TAFAZZIN: variants seen among roughly 807,000 people sequenced by gnomAD.
The protein encoded by TAFAZZIN is protein G4.5.
Under a neutral mutation model 27.3 loss-of-function variants are expected in TAFAZZIN, and 6 were observed. That is an observed-to-expected ratio of 0.22 (90% CI 0.12 to 0.43). The LOEUF (loss-of-function observed/expected upper bound fraction) is 0.43. TAFAZZIN is among the 20% of genes least tolerant of loss of function. TAFAZZIN has a pLI of 1.00. For synonymous variants in TAFAZZIN, 79 were observed against 96.2 expected (o/e 0.82, Z 1.04); for missense variants, 127 against 244.5 (o/e 0.52, Z 3.21).
intron 4 of TAFAZZIN, 62 bp from the exon 5 acceptor site, chrX:154,414,039 A>G: frequency 2.7e-6 from 2 of 752,876 alleles, no homozygotes; most frequent in Non-Finnish European, 4.1e-6. Flanking sequence ...TGCTGGCCCA[A>G]GGTCATGGGG....
intron 2 of TAFAZZIN, chrX:154,412,917 A>T (rs2068358680): frequency 2.5e-6 from 1 of 400,211 alleles, no homozygotes; most frequent in Admixed American, 4.1e-5. Context: ...ACTAGCCTAG[A>T]CTGGGCTGGT....
In TAFAZZIN at chrX:154,421,362, T is replaced by G; in HGVS notation, c.*358T>G. ...CACCAGAGCTGTGGAGAGGGGACCC[T>G]AAGACTCCTCGGCCTGGCTCCTACC... On this transcript the variant is annotated 3_prime_UTR_variant, in exon 11 of 11. Transcript: ENST00000601016. 1 of 375,002 alleles carries G rather than the reference T, an allele frequency of 2.7e-6. No individual in the cohort carries two copies. 30.9% of individuals were successfully genotyped at this position (375,002 alleles called of 1,213,427 possible). A position where few individuals can be genotyped will look rare whatever the true frequency, so the allele number is the denominator to read the frequency against.
At chrX:154,414,244 G>C (rs1410797293) in intron 5 of TAFAZZIN, 54 bp downstream of exon 5, 2 of 1,042,828 alleles carry the variant, frequency 1.9e-6, no homozygotes, top group Non-Finnish European at 2.7e-6. Flanking sequence ...GTGAGGTCGA[G>C]GTGAGAGGAT....
intron 1 of TAFAZZIN, 62 bp from the exon 2 acceptor site, chrX:154,412,024 G>A (rs782205542): frequency 1.3e-5 from 16 of 1,205,150 alleles, no homozygotes; most frequent in South Asian, 1.8e-5. Context: ...TTAGGGTGGG[G>A]GACGCCGCGG....
At chrX:154,419,929 A>G in intron 7 of TAFAZZIN, 103 bp from the exon 8 acceptor site, 2 of 1,126,849 alleles carry the variant, frequency 1.8e-6, no homozygotes, top group Admixed American at 2.2e-5. Context: ...AAGGGAGCTG[A>G]ATTGAACTGG....
intron 7 of TAFAZZIN, 29 bp downstream of exon 7, chrX:154,419,775 C>T (rs781936411): frequency 1.7e-6 from 2 of 1,211,567 alleles, no homozygotes; most frequent in South Asian, 3.5e-5. Context: ...TGGCCACAGC[C>T]ATCCTCCCGG....
chrX:154,413,735 TG>T (rs1333511139), intron 4 of TAFAZZIN, 168 bp downstream of exon 4: 2 of 490,824 alleles, frequency 4.1e-6, no homozygotes, highest in Non-Finnish European at 6.9e-6. Context: ...GGAGGAGGGA[TG>T]GGTCCTTGGA....
chrX:154,419,949 G>A (rs1557194004), intron 7 of TAFAZZIN, 83 bp from the exon 8 acceptor site: 1 of 1,153,220 alleles, frequency 8.7e-7, no homozygotes, highest in Non-Finnish European at 1.2e-6. Context: ...GAGGATGTCG[G>A]GGGTGGCAGT....
chrX:154,413,399 C>T, intron 3 of TAFAZZIN, 83 bp from the exon 4 acceptor site: 1 of 1,209,127 alleles, frequency 8.3e-7, no homozygotes, highest in Non-Finnish European at 1.1e-6. Context: ...TCCCCTGTGC[C>T]TCCCTTCTGC....
rs1469190727 is a variant in TAFAZZIN at position 154,412,984 on chromosome X, G to A, written c.239-223G>A. On this transcript the variant is annotated intron_variant, in intron 2 of 10. Coordinates refer to ENST00000601016, the MANE Select transcript of TAFAZZIN (RefSeq NM_000116.5). The stretch of plus-strand genomic sequence containing the variant: ...AATGGGCATTGTCCAAGTATGTTGG[G>A]GAGGTAGGCAGTCCAGGTGCAGTGA... 4 of 466,873 alleles carry A rather than the reference G, an allele frequency of 8.6e-6. No homozygotes were observed. In the East Asian group the frequency reaches 1.1e-4, roughly 13 times the overall value. The allele number at this position is 466,873 out of a possible 1,213,427, so 38.5% of individuals were successfully genotyped here.
intron 5 of TAFAZZIN, among the ~76,000 whole-genome samples, chrX:154,417,833 G>C: frequency 8.9e-6 from 1 of 112,200 alleles, no homozygotes; most frequent in Middle Eastern, 4.6e-3. Flanking sequence ...TGCTCTGAGA[G>C]ATGGGGACTC....
At chrX:154,419,498 GCCC>G (rs1214020528) in intron 5 of TAFAZZIN, 42 bp from the exon 6 acceptor site, 2 of 1,181,208 alleles carry the variant, frequency 1.7e-6, no homozygotes, top group Non-Finnish European at 2.3e-6. Flanking sequence ...GTCACCCCAC[GCCC>G]CCGAGAATGG....
rs1557190828 is a variant in TAFAZZIN, at chrX:154,411,875, C to T, written c.32C>T (p.Ala11Val). The stretch of plus-strand genomic sequence containing the variant: ...CTGCACGTGAAGTGGCCGTTCCCCG[C>T]GGTGCCGCCGCTCACCTGGACCCTG... MPLHVKWPFP[A>V]VPPLTWTLAS... The change falls in exon 1 of 11, where the codon GCG becomes GTG. Residue 11 changes from alanine to valine, a missense_variant. Ala to Val is a moderately conservative substitution (Grantham distance 64). Coordinates refer to ENST00000601016, the MANE Select transcript of TAFAZZIN (RefSeq NM_000116.5). The T allele has an allele frequency of 8.3e-7, 1 of 1,204,183 alleles. No individual in the cohort carries two copies. Among genetic ancestry groups the T allele is most frequent in the Admixed American group, 2.2e-5 (1 of 45,756 alleles).
chrX:154,414,691 CAAA>C (rs35339645), intron 5 of TAFAZZIN, among the ~76,000 whole-genome samples: 3 of 54,176 alleles, frequency 5.5e-5, no homozygotes, highest in Admixed American at 2.3e-4. Flanking sequence ...GACTCCGTCT[CAAA>C]AAAAAAAAAA....
intron 2 of TAFAZZIN, 151 bp downstream of exon 2, chrX:154,412,365 T>C: frequency 1.3e-6 from 1 of 781,995 alleles, no homozygotes; most frequent in Non-Finnish European, 1.8e-6. Context: ...AGACTTGGAT[T>C]TGTGGCTCCT....
chrX:154,413,414 T>C (rs2068381778), intron 3 of TAFAZZIN, 68 bp from the exon 4 acceptor site: 1 of 1,208,937 alleles, frequency 8.3e-7, no homozygotes, highest in African/African-American at 1.7e-5. Flanking sequence ...TTCTGCATGC[T>C]GATGCTGGGG....
intron 5 of TAFAZZIN, among the ~76,000 whole-genome samples, chrX:154,417,550 AG>A (rs1318811968): frequency 1.8e-5 from 2 of 112,798 alleles, no homozygotes; most frequent in Admixed American, 1.9e-4. Flanking sequence ...GAGGTCAAGG[AG>A]GGGTTTATTA....
chrX:154,418,527 T>G (rs2068545260), intron 5 of TAFAZZIN: 1 of 112,536 alleles, frequency 8.9e-6, no homozygotes, highest in African/African-American at 3.2e-5. Flanking sequence ...ATCCTTACTG[T>G]GTACTTACTG....
chrX:154,417,521 G>A (rs782166345), intron 5 of TAFAZZIN, among the ~76,000 whole-genome samples: 65 of 112,695 alleles, frequency 5.8e-4, no homozygotes, highest in Non-Finnish European at 3.2e-4. Context: ...ACAGAAGGAA[G>A]GGTAACCAAA....
Sources: gnomAD v4.1 joint callset for allele counts (sites outside exome capture counted in the v4.1 genomes callset) on GRCh38, gnomAD v4.1.1 for gene constraint, MANE v1.5 for transcripts, NCBI Gene and HGNC (gene_info 2026-07-23, HGNC 2026-07-21) for gene names.